PHF24: variants seen among roughly 807,000 people sequenced by gnomAD.
PHF24 encodes PHD finger protein 24.
In PHF24, 25 loss-of-function variants were observed where a neutral mutation model predicts 42.6. The ratio of observed to expected loss-of-function variants is 0.59; its 90% CI spans 0.43 to 0.82. PHF24 has a LOEUF of 0.82. Among genes scored for constraint, PHF24 ranks in the 40% least tolerant of loss-of-function variants. PHF24 has a pLI of 0.00. For missense variants in PHF24, 470 were observed against 538.1 expected, an observed-to-expected ratio of 0.87 and a Z score of 1.25; for synonymous variants, 185 against 204.8, an observed-to-expected ratio of 0.90 and a Z score of 0.83.
At chr9:34,855,179 G>A in the PHF24 span, among the ~76,000 whole-genome samples, 2 of 152,132 alleles carry the variant, frequency 1.3e-5, no homozygotes, top group Admixed American at 6.6e-5. Context: ...TTGCACATTA[G>A]ATGGGTCTCT....
At chr9:34,801,464 A>G in the PHF24 span, among the ~76,000 whole-genome samples, 1 of 152,240 alleles carries the variant, frequency 6.6e-6, no homozygotes, top group Non-Finnish European at 1.5e-5. Context: ...CTATGCAGCC[A>G]TAAAAAAGAA....
intron 1 of PHF24, among the ~76,000 whole-genome samples, chr9:34,966,209 G>T (rs1365831744): frequency 6.6e-6 from 1 of 152,134 alleles, no homozygotes; most frequent in African/African-American, 2.4e-5. Flanking sequence ...CCTCCTCCCG[G>T]AGTTTCTGAT....
chr9:34,948,663 A>G, the PHF24 span, among the ~76,000 whole-genome samples: 1 of 152,120 alleles, frequency 6.6e-6, no homozygotes, highest in Non-Finnish European at 1.5e-5. Flanking sequence ...TATATCACCT[A>G]GGTTTGTGTA....
the PHF24 span, among the ~76,000 whole-genome samples, chr9:34,952,021 C>T: frequency 1.1e-4 from 16 of 152,068 alleles, no homozygotes; most frequent in Admixed American, 7.2e-4. Context: ...CAACATCATG[C>T]TAGAAATACC....
chr9:34,931,725 G>C, the PHF24 span, among the ~76,000 whole-genome samples: 1 of 152,110 alleles, frequency 6.6e-6, no homozygotes. Context: ...AAGCCACCAT[G>C]CTTCTTATAC....
intron 3 of PHF24, among the ~76,000 whole-genome samples, chr9:34,974,573 C>T (rs1355870101): frequency 1.3e-5 from 2 of 152,044 alleles, no homozygotes; most frequent in East Asian, 3.9e-4. Context: ...AGTCTCTGAC[C>T]ATTCTTTCTC....
chr9:34,752,768 A>G, the PHF24 span, among the ~76,000 whole-genome samples: 1 of 152,168 alleles, frequency 6.6e-6, no homozygotes, highest in Non-Finnish European at 1.5e-5. Context: ...CCTGATGAAC[A>G]TTACCGGAAA....
the PHF24 span, among the ~76,000 whole-genome samples, chr9:34,676,268 A>G: frequency 6.6e-6 from 1 of 152,208 alleles, no homozygotes; most frequent in Admixed American, 6.5e-5. Flanking sequence ...TCATGCCTGT[A>G]ATCCCAGCAC....
the PHF24 span, among the ~76,000 whole-genome samples, chr9:34,937,768 T>C: frequency 6.6e-6 from 1 of 152,174 alleles, no homozygotes; most frequent in Non-Finnish European, 1.5e-5. Flanking sequence ...AGAACCTGGC[T>C]AGCCCTGCGC....
At chr9:34,818,801 A>T in the PHF24 span, among the ~76,000 whole-genome samples, 1 of 152,144 alleles carries the variant, frequency 6.6e-6, no homozygotes, top group African/African-American at 2.4e-5. Flanking sequence ...TTTTTTAAAA[A>T]ATAGTGCTCA....
At chr9:34,935,744 G>GT in the PHF24 span, among the ~76,000 whole-genome samples, 1,028 of 150,056 alleles carry the variant, frequency 6.9e-3, 1 homozygote, top group Middle Eastern at 0.014. Flanking sequence ...GTGGGGGGGG[G>GT]GTGTGTGTGT....
chr9:34,954,316 C>G (rs1826322296), upstream of PHF24, among the ~76,000 whole-genome samples: 1 of 152,190 alleles, frequency 6.6e-6, no homozygotes. Context: ...TTTGGAGTTT[C>G]AAGTTCCTGA....
At chr9:34,938,157 G>A in the PHF24 span, among the ~76,000 whole-genome samples, 1 of 152,154 alleles carries the variant, frequency 6.6e-6, no homozygotes, top group African/African-American at 2.4e-5. Flanking sequence ...AATCATAGAG[G>A]ATTTTGCTTG....
chr9:34,830,861 T>C, the PHF24 span, among the ~76,000 whole-genome samples: 1 of 152,120 alleles, frequency 6.6e-6, no homozygotes, highest in African/African-American at 2.4e-5. Flanking sequence ...CCACTCAGCC[T>C]CCCTCTTGGA....
the PHF24 span, among the ~76,000 whole-genome samples, chr9:34,694,848 T>A: frequency 6.6e-6 from 1 of 152,242 alleles, no homozygotes; most frequent in Non-Finnish European, 1.5e-5. Context: ...CCATGTTAGT[T>A]CCTTAATCCT....
the PHF24 span, among the ~76,000 whole-genome samples, chr9:34,679,701 G>A: frequency 7.9e-5 from 12 of 152,094 alleles, no homozygotes; most frequent in Non-Finnish European, 1.6e-4. Context: ...GTGACAGAGC[G>A]AGACGCCTTC....
the PHF24 span, among the ~76,000 whole-genome samples, chr9:34,749,196 A>C: frequency 1.3e-5 from 2 of 152,096 alleles, no homozygotes; most frequent in Non-Finnish European, 2.9e-5. Context: ...AATACAATGA[A>C]GCATGCCTAC....
chr9:34,928,976 G>A, the PHF24 span, among the ~76,000 whole-genome samples: 1 of 152,164 alleles, frequency 6.6e-6, no homozygotes, highest in Non-Finnish European at 1.5e-5. Context: ...ACAGACCACT[G>A]GGAACCCAGC....
At chr9:34,875,936 ACACACACACACACACTCT>A in the PHF24 span, among the ~76,000 whole-genome samples, 16 of 87,906 alleles carry the variant, frequency 1.8e-4, no homozygotes, top group African/African-American at 6.4e-4. Flanking sequence ...ACACACACAC[ACACACACACACACACTCT>A]CTCTCTCTCT....
Sources: allele counts gnomAD v4.1 joint callset (sites outside exome capture counted in the v4.1 genomes callset), GRCh38; gene constraint gnomAD v4.1.1; transcripts MANE v1.5; gene names NCBI Gene and HGNC (gene_info 2026-07-23, HGNC 2026-07-21).